The following RPS6KA1 variants were observed in gnomAD, a reference collection of about 807,000 sequenced individuals.
RPS6KA1 encodes the protein ribosomal protein S6 kinase alpha-1.
In RPS6KA1, 48 loss-of-function variants were observed where a neutral mutation model predicts 91.3. The ratio of observed to expected loss-of-function variants is 0.53; its 90% CI spans 0.42 to 0.67. The LOEUF (loss-of-function observed/expected upper bound fraction) is 0.67, where lower values mean the gene tolerates loss of function less well. Ranked by LOEUF, RPS6KA1 falls within the 30% of genes least tolerant of loss-of-function variation. The probability of loss-of-function intolerance (pLI) is 0.00; values close to 1 mark genes in which losing one functional copy is unlikely to be tolerated. For missense variants in RPS6KA1, 719 were observed against 960.5 expected, an observed-to-expected ratio of 0.75 and a Z score of 3.32; for synonymous variants, 359 against 384.7, an observed-to-expected ratio of 0.93 and a Z score of 0.78.
intron 6 of RPS6KA1, chr1:26,552,967 A>C: frequency 3.6e-6 from 1 of 278,876 alleles, no homozygotes; most frequent in Non-Finnish European, 7.1e-6. Flanking sequence ...ATATATGTTC[A>C]TTCCTACCCC....
rs529106857 is a variant in RPS6KA1, at chr1:26,566,682, C to T, written c.1591-4767C>T. 3.9e-5 allele frequency among the ~76,000 whole-genome samples: 6 copies of T among 152,262 alleles called. No individual in the cohort carries two copies. In the East Asian group the frequency reaches 9.6e-4, roughly 24 times the overall value. On this transcript the variant is annotated intron_variant, in intron 17 of 21. Coordinates refer to ENST00000374168, the MANE Select transcript of RPS6KA1 (RefSeq NM_002953.4). ...TTTGGACAGCCTCTTTTATGAAATGCCTCTTCAAGTCTTTTGTCCATTTTT... is the reference window on the plus strand; with the variant it reads ...TTTGGACAGCCTCTTTTATGAAATGTCTCTTCAAGTCTTTTGTCCATTTTT...
At chr1:26,565,903 T>C (rs1032295328) in intron 17 of RPS6KA1, among the ~76,000 whole-genome samples, 13 of 152,320 alleles carry the variant, frequency 8.5e-5, no homozygotes, top group African/African-American at 3.1e-4. Flanking sequence ...TGCCATTCAA[T>C]GTTGTCTTTG....
intron 17 of RPS6KA1, among the ~76,000 whole-genome samples, chr1:26,566,874 G>A (rs145946195): frequency 8.9e-4 from 136 of 152,226 alleles, no homozygotes; most frequent in African/African-American, 3.1e-3. Flanking sequence ...GAACAACTTC[G>A]CCTCTTTTTT....
At chr1:26,560,298 T>C (rs867200673) in intron 14 of RPS6KA1, among the ~76,000 whole-genome samples, 4 of 152,108 alleles carry the variant, frequency 2.6e-5, no homozygotes, top group South Asian at 2.1e-4. Flanking sequence ...CCCAGAACCT[T>C]GAGACACCCC....
At position 26,558,955 on chromosome 1, in the gene RPS6KA1, C is replaced by CAGCA. The variant is rs2076130509; in HGVS notation, c.1215+18_1215+19insAGCA. 6.2e-7 allele frequency: 1 copy of CAGCA among 1,602,622 alleles called. No individual in the cohort carries two copies. The highest frequency in any genetic ancestry group is 1.3e-5 in the African/African-American group (1 of 74,722). ...TGGTACAGGTGAGGGGGGCAGGGGG[C>CAGCA]TGCTGCTCCATTATCCTTTTCTAAA... On this transcript the variant is annotated intron_variant, in intron 14 of 21. Coordinates refer to ENST00000374168, the MANE Select transcript of RPS6KA1 (RefSeq NM_002953.4). The surrounding 1 kb of genome is among the most constrained non-coding windows in gnomAD (Gnocchi z 4.0).
At chr1:26,533,424 G>A (rs982909277) in intron 1 of RPS6KA1, among the ~76,000 whole-genome samples, 1 of 152,098 alleles carries the variant, frequency 6.6e-6, no homozygotes, top group African/African-American at 2.4e-5. Context: ...AGTGATATGA[G>A]GCCACGCGTG....
chr1:26,556,563 G>C (rs1352583733), intron 11 of RPS6KA1, 91 bp from the exon 12 acceptor site: 1 of 1,369,674 alleles, frequency 7.3e-7, no homozygotes, highest in Non-Finnish European at 1.0e-6. Context: ...CCAGCAGCTG[G>C]TCCCAGAGCC....
intron 6 of RPS6KA1, among the ~76,000 whole-genome samples, chr1:26,552,068 G>A (rs2076055443): frequency 2.0e-5 from 3 of 152,238 alleles, no homozygotes; most frequent in South Asian, 2.1e-4. Flanking sequence ...TCTTGCGTAT[G>A]TCATCCAAAA....
intron 14 of RPS6KA1, 59 bp from the exon 15 acceptor site, chr1:26,560,667 G>T (rs2076145738): frequency 6.2e-7 from 1 of 1,610,350 alleles, no homozygotes; most frequent in South Asian, 1.1e-5. Flanking sequence ...TTAGGTCCTG[G>T]GGGATGACCC....
chr1:26,529,929 C>T lies in RPS6KA1; in HGVS notation c.9C>T (p.Leu3=), dbSNP rs770792928. The change falls in exon 1 of 22, where the codon CTC becomes CTT. Residue 3 remains leucine (L), a synonymous_variant. Coordinates refer to ENST00000374168, the MANE Select transcript of RPS6KA1 (RefSeq NM_002953.4). This position sits in a 1 kb window ranked among gnomAD's most constrained non-coding sequence, Gnocchi z 4.2. The part of the protein sequence containing the change: MP[L]AQLKEPWPLM... ...GACCTGGCGGCGGCGAGATGCCGCT[C>T]GCCCAGCTCAAGGAGCCCTGGCCGC... The T allele has an allele frequency of 9.1e-6, 13 of 1,431,920 alleles. No individual in the cohort carries two copies. In the African/African-American group the frequency reaches 1.3e-4, roughly 15 times the overall value. The allele number at this position is 1,431,920 out of a possible 1,614,324, so 88.7% of individuals were successfully genotyped here.
rs749900889 is a variant in RPS6KA1 at position 26,571,494 on chromosome 1, G to A, written c.1636G>A (p.Glu546Lys). The change falls in exon 18 of 22, where the codon GAG (glutamate) becomes AAG (lysine). Residue 546 changes from glutamate (E) to lysine (K), a missense_variant. Glu to Lys is a moderately conservative substitution (Grantham distance 56, BLOSUM62 1). This residue lies in a region of RPS6KA1 where 249 missense variants were observed against 323.1 expected (regional missense o/e 0.77). Transcript: ENST00000374168. The surrounding 1 kb of genome is among the most constrained non-coding windows in gnomAD (Gnocchi z 5.1). ...GCCCAGCAACATCCTGTATGTGGAC[G>A]AGTCCGGGAATCCCGAGTGCCTGCG... ...LKPSNILYVD[E>K]SGNPECLRIC... 14 of 1,614,088 alleles carry A rather than the reference G, an allele frequency of 8.7e-6. No individual in the cohort carries two copies. The highest frequency in any genetic ancestry group is 3.3e-4 in the Middle Eastern group (2 of 6,084).
At position 26,571,637 on chromosome 1, in the gene RPS6KA1, A is replaced by G; in HGVS notation, c.1752+27A>G. ...TGAGTGGCCCAGCCTCCTCAGCTGT[A>G]AGAGTGAGGGGGAATTGGAGGCCTT... On this transcript the variant is annotated intron_variant, in intron 18 of 21. Transcript: ENST00000374168. The surrounding 1 kb of genome is among the most constrained non-coding windows in gnomAD (Gnocchi z 5.1). 6.2e-7 allele frequency: 1 copy of G among 1,611,104 alleles called. No individual in the cohort carries two copies.
At chr1:26,562,825 C>CCTTTTTTTTTTTTTTTTTTTTTTTTT in intron 17 of RPS6KA1, among the ~76,000 whole-genome samples, 1 of 81,432 alleles carries the variant, frequency 1.2e-5, no homozygotes, top group Non-Finnish European at 2.3e-5. Flanking sequence ...TCCTATTGTC[C>CCTTTTTTTTTTTTTTTTTTTTTTTTT]TTTTTTTTTT....
At chr1:26,538,817 C>T (rs2075925380) in intron 2 of RPS6KA1, among the ~76,000 whole-genome samples, 2 of 152,162 alleles carry the variant, frequency 1.3e-5, no homozygotes, top group Admixed American at 6.5e-5. Flanking sequence ...TGGGCACCTG[C>T]TCATCCATCT....
At chr1:26,573,132 G>C in intron 20 of RPS6KA1, 92 bp from the exon 21 acceptor site, 1 of 1,359,422 alleles carries the variant, frequency 7.4e-7, no homozygotes, top group African/African-American at 1.4e-5. Flanking sequence ...GTTCAGGCGG[G>C]AGCTAGCAGG....
chr1:26,532,151 G>A (rs1419686605), intron 1 of RPS6KA1, among the ~76,000 whole-genome samples: 1 of 152,116 alleles, frequency 6.6e-6, no homozygotes, highest in Non-Finnish European at 1.5e-5. Context: ...CCTGGCCCAG[G>A]GTGCAGCCCA....
At chr1:26,536,997 G>T (rs779620686) in intron 2 of RPS6KA1, 28 bp downstream of exon 2, 2 of 1,613,364 alleles carry the variant, frequency 1.2e-6, no homozygotes, top group South Asian at 1.1e-5. Flanking sequence ...CACCCTGAGC[G>T]AGGGGCTGTG....
intron 1 of RPS6KA1, among the ~76,000 whole-genome samples, chr1:26,533,227 G>A (rs767251527): frequency 4.6e-5 from 7 of 152,098 alleles, no homozygotes; most frequent in Non-Finnish European, 8.8e-5. Context: ...CTACAGGCCC[G>A]TGTCACCATG....
Position 26,551,117 on chromosome 1 carries a change from T to C in RPS6KA1, c.308-280T>C, listed in dbSNP as rs931630249. ...AGACTGGCTGATTAACAGGTCTTGA[T>C]GGGGTCTGGTGGGAAAAGGGACCAG... is the stretch of plus-strand genomic sequence containing the variant. On this transcript the variant is annotated intron_variant, in intron 4 of 21. Transcript: ENST00000374168. The surrounding 1 kb of genome is among the most constrained non-coding windows in gnomAD (Gnocchi z 4.5). Among the ~76,000 whole-genome samples, 2 of 151,818 alleles carry C rather than the reference T, an allele frequency of 1.3e-5. No individual in the cohort carries two copies. The highest frequency in any genetic ancestry group is 4.8e-5 in the African/African-American group (2 of 41,326).
Sources: allele counts gnomAD v4.1 joint callset (sites outside exome capture counted in the v4.1 genomes callset), GRCh38; gene constraint gnomAD v4.1.1; regional missense constraint gnomAD v4.1.1; non-coding constraint Gnocchi (gnomAD v3.1); transcripts MANE v1.5; gene names NCBI Gene and HGNC (gene_info 2026-07-23, HGNC 2026-07-21).